The following SHPRH variants were observed in gnomAD, a reference collection of about 807,000 sequenced individuals.
The protein encoded by SHPRH is SNF2 histone linker PHD RING helicase.
SHPRH carries 106 observed loss-of-function variants against 202.5 expected under a neutral mutation model. That is an observed-to-expected ratio of 0.52 (90% CI 0.45 to 0.62). The LOEUF is 0.62. SHPRH is among the 20% of genes least tolerant of loss of function. The pLI is 0.00. For missense variants in SHPRH, 1,710 were observed against 2,020.0 expected (o/e 0.85, Z 2.94); for synonymous variants, 729 against 686.0 (o/e 1.06, Z -0.98).
intron 1 of SHPRH, among the ~76,000 whole-genome samples, chr6:145,959,027 G>A (rs1350891540): frequency 3.3e-5 from 5 of 151,956 alleles, no homozygotes; most frequent in South Asian, 2.1e-4. Context: ...TAGTAGAGAC[G>A]GGGTTTCATG....
intron 2 of SHPRH, among the ~76,000 whole-genome samples, chr6:145,864,824 C>T (rs955863575): frequency 8.6e-5 from 13 of 152,020 alleles, no homozygotes; most frequent in East Asian, 3.9e-4. Flanking sequence ...TGAATTGCCA[C>T]GTTTTAGGTC....
At chr6:145,933,309 TC>T (rs1785674985) in intron 13 of SHPRH, 131 bp from the exon 14 acceptor site, 2 of 1,343,390 alleles carry the variant, frequency 1.5e-6, no homozygotes, top group East Asian at 2.4e-5. Flanking sequence ...GCATTTTTTT[TC>T]GCCTCAATTT....
intron 25 of SHPRH, chr6:145,907,810 CAAAA>C (rs534236456): frequency 1.3e-5 from 2 of 149,828 alleles, no homozygotes; most frequent in African/African-American, 2.4e-5. Context: ...CAAAACAAAA[CAAAA>C]AAACAGGATA....
Position 145,921,377 on chromosome 6 carries a change from A to T in SHPRH, c.3798T>A (p.Thr1266=). The change falls in exon 21 of 30, where the codon ACT becomes ACA. Residue 1266 remains threonine, a synonymous_variant. Coordinates refer to ENST00000275233, the MANE Select transcript of SHPRH (RefSeq NM_001042683.3). ...KLFSNTVKGQ[T]AIFEEMIEDE... is the part of the protein sequence containing the mutation. ...CTTCTATCATCTCCTCAAATATTGC[A>T]GTCTGGCCTTTGACTCTGAAAACAT... is the stretch of plus-strand genomic sequence containing the variant. The T allele has an allele frequency of 6.2e-7, 1 of 1,612,404 alleles. No individual in the cohort carries two copies.
intron 2 of SHPRH, among the ~76,000 whole-genome samples, chr6:145,953,689 A>C (rs1186491989): frequency 6.6e-6 from 1 of 152,116 alleles, no homozygotes; most frequent in Non-Finnish European, 1.5e-5. Context: ...AAGCATATTA[A>C]CTTGCTTCAC....
chr6:145,878,312 A>G (rs1780396528), intron 2 of SHPRH, among the ~76,000 whole-genome samples: 1 of 152,262 alleles, frequency 6.6e-6, no homozygotes, highest in East Asian at 1.9e-4. Context: ...ATCATTATCC[A>G]AAGTCCACAG....
At chr6:145,963,683 G>A (rs902301540) in intron 1 of SHPRH, 48 bp downstream of exon 1, 1 of 152,178 alleles carries the variant, frequency 6.6e-6, no homozygotes, top group African/African-American at 2.4e-5. Context: ...GGGAGGCGGC[G>A]ACCCAGTTCC....
intron 21 of SHPRH, among the ~76,000 whole-genome samples, chr6:145,920,331 T>A (rs1165184419): frequency 6.6e-6 from 1 of 152,086 alleles, no homozygotes; most frequent in Admixed American, 6.6e-5. Context: ...CAACTGAACA[T>A]CATAAGTAAC....
chr6:145,869,926 G>A (rs1779979417), intron 2 of SHPRH, among the ~76,000 whole-genome samples: 1 of 151,400 alleles, frequency 6.6e-6, no homozygotes, highest in South Asian at 2.1e-4. Flanking sequence ...CTATAGATCA[G>A]GTTGGGAAGA....
chr6:145,865,219 G>T (rs1346141253), intron 2 of SHPRH, among the ~76,000 whole-genome samples: 1 of 152,152 alleles, frequency 6.6e-6, no homozygotes, highest in East Asian at 1.9e-4. Context: ...CTAATGTTAT[G>T]ACGTTTAGAG....
At chr6:145,871,199 T>C (rs932073173) in intron 2 of SHPRH, 3 of 152,186 alleles carry the variant, frequency 2.0e-5, no homozygotes, top group Non-Finnish European at 1.5e-5. Context: ...TTGGAAGTTA[T>C]GGCCACGGCA....
intron 11 of SHPRH, among the ~76,000 whole-genome samples, chr6:145,936,424 G>T (rs1786076402): frequency 6.6e-6 from 1 of 152,038 alleles, no homozygotes; most frequent in Non-Finnish European, 1.5e-5. Flanking sequence ...CAACTTCCTG[G>T]GCTCAAGTGA....
intron 28 of SHPRH, among the ~76,000 whole-genome samples, chr6:145,890,326 T>C (rs1290415582): frequency 1.3e-5 from 2 of 152,150 alleles, no homozygotes; most frequent in Non-Finnish European, 2.9e-5. Context: ...CAAAATCCCA[T>C]TTTCTCCAAA....
chr6:145,888,870 CA>C (rs1218060989), intron 28 of SHPRH, among the ~76,000 whole-genome samples: 15 of 151,862 alleles, frequency 9.9e-5, no homozygotes, highest in Non-Finnish European at 1.2e-4. Flanking sequence ...GTAGAGCTGA[CA>C]AAACTTAAAA....
At chr6:145,868,699 A>G (rs1779915570) in intron 2 of SHPRH, among the ~76,000 whole-genome samples, 1 of 152,178 alleles carries the variant, frequency 6.6e-6, no homozygotes, top group African/African-American at 2.4e-5. Context: ...TTTGCTTAGT[A>G]TATTCAATCT....
chr6:145,893,083 TA>T (rs1026075056), intron 28 of SHPRH, 131 bp downstream of exon 28: 32 of 583,002 alleles, frequency 5.5e-5, no homozygotes, highest in African/African-American at 3.1e-4. Flanking sequence ...AATAAATAAT[TA>T]AAAAATGTAG....
chr6:145,876,501 TATTTC>T (rs1015771049), intron 2 of SHPRH, among the ~76,000 whole-genome samples: 3 of 152,248 alleles, frequency 2.0e-5, no homozygotes, highest in African/African-American at 4.8e-5. Flanking sequence ...CATGTATAAG[TATTTC>T]ATTTCTTTTT....
chr6:145,871,852 T>C (rs934394444), intron 2 of SHPRH, among the ~76,000 whole-genome samples: 1 of 152,050 alleles, frequency 6.6e-6, no homozygotes, highest in African/African-American at 2.4e-5. Context: ...AACAGAGACA[T>C]AGACCAATGG....
chr6:145,957,679 T>C (rs994489663), intron 1 of SHPRH, among the ~76,000 whole-genome samples: 7 of 152,088 alleles, frequency 4.6e-5, no homozygotes, highest in Non-Finnish European at 8.8e-5. Context: ...TATACTAAAA[T>C]AGTCAAAAAT....
Sources: gnomAD v4.1 joint callset for allele counts (sites outside exome capture counted in the v4.1 genomes callset) on GRCh38, gnomAD v4.1.1 for gene constraint, MANE v1.5 for transcripts, NCBI Gene and HGNC (gene_info 2026-07-23, HGNC 2026-07-21) for gene names.